The following GATM variants were observed in gnomAD, a reference collection of about 807,000 sequenced individuals.
GATM encodes the protein glycine amidinotransferase, also known as glycine amidinotransferase, mitochondrial.
Under a neutral mutation model 54.2 loss-of-function variants are expected in GATM, and 23 were observed. The ratio of observed to expected loss-of-function variants is 0.42; its 90% CI spans 0.31 to 0.60. The LOEUF is 0.60. Among genes scored for constraint, GATM ranks in the 20% least tolerant of loss-of-function variants. The pLI, the probability that GATM is intolerant of heterozygous loss-of-function variation, is 0.14. For synonymous variants in GATM, 168 were observed against 183.1 expected (o/e 0.92, Z 0.67); for missense variants, 401 against 544.9 (o/e 0.74, Z 2.63).
chr15:45,364,184 A>C, intron 7 of GATM, 168 bp from the exon 8 acceptor site: 1 of 634,768 alleles, frequency 1.6e-6, no homozygotes, highest in South Asian at 1.8e-5. Flanking sequence ...GGTATGAATC[A>C]ATCTGTACTC....
intron 2 of GATM, among the ~76,000 whole-genome samples, chr15:45,376,191 G>A (rs574791091): frequency 2.0e-5 from 3 of 152,306 alleles, no homozygotes; most frequent in Admixed American, 6.5e-5. Flanking sequence ...GCAATATCCC[G>A]TAAGGAGTTT....
intron 3 of GATM, among the ~76,000 whole-genome samples, chr15:45,384,393 G>C (rs1325882993): frequency 6.6e-6 from 1 of 152,202 alleles, no homozygotes; most frequent in African/African-American, 2.4e-5. Flanking sequence ...TAAAGAGATA[G>C]AAAGTCCAGA....
intron 3 of GATM, among the ~76,000 whole-genome samples, chr15:45,386,609 T>C (rs1252631312): frequency 6.6e-6 from 1 of 152,240 alleles, no homozygotes; most frequent in African/African-American, 2.4e-5. Context: ...CTCTCTGTTG[T>C]GCACTTTGCC....
At chr15:45,376,951 G>C in intron 1 of GATM, 132 bp from the exon 2 acceptor site, 1 of 797,488 alleles carries the variant, frequency 1.3e-6, no homozygotes, top group Non-Finnish European at 2.1e-6. Flanking sequence ...CATAAACCAA[G>C]ACGTTAACAG....
At chr15:45,393,097 T>C (rs376302327) in intron 3 of GATM, among the ~76,000 whole-genome samples, 5 of 152,366 alleles carry the variant, frequency 3.3e-5, no homozygotes, top group Middle Eastern at 6.8e-3. Context: ...TCCCAGCATA[T>C]AGCAAATGGT....
intron 3 of GATM, among the ~76,000 whole-genome samples, chr15:45,391,396 A>G (rs1214726783): frequency 6.6e-6 from 1 of 152,218 alleles, no homozygotes; most frequent in East Asian, 1.9e-4. Flanking sequence ...TGGGTGACGG[A>G]GCGAGACTGT....
At chr15:45,365,823 T>G (rs1231033879) in intron 6 of GATM, among the ~76,000 whole-genome samples, 3 of 152,218 alleles carry the variant, frequency 2.0e-5, no homozygotes, top group African/African-American at 7.2e-5. Context: ...GGCCAAAGTC[T>G]GATGATCCCA....
chr15:45,384,493 G>A lies in GATM; in HGVS notation c.-318-7674C>T, dbSNP rs147057463. ...GCAAGAGAAGGTATTTTAGCATAGGGGTAGCTGTTGCTCCCTGCACTGTAG... is the reference window on the plus strand; with the variant it reads ...GCAAGAGAAGGTATTTTAGCATAGGAGTAGCTGTTGCTCCCTGCACTGTAG... On this transcript the variant is annotated intron_variant, in intron 3 of 4. Transcript: ENST00000561148. 3.3e-3 allele frequency among the ~76,000 whole-genome samples: 506 copies of A among 152,232 alleles called. 1 individual carries two copies. Among genetic ancestry groups the A allele is most frequent in the African/African-American group, 0.012 (483 of 41,556 alleles).
chr15:45,370,103 ATGGTTGCTCAGCC>A (rs1389415846), intron 2 of GATM, among the ~76,000 whole-genome samples: 1 of 152,144 alleles, frequency 6.6e-6, no homozygotes, highest in Non-Finnish European at 1.5e-5. Context: ...TTGGCCAGGC[ATGGTTGCTCAGCC>A]TGTAACCCCA....
intron 7 of GATM, 135 bp from the exon 8 acceptor site, chr15:45,364,151 C>G: frequency 1.4e-6 from 1 of 708,700 alleles, no homozygotes; most frequent in Non-Finnish European, 2.6e-6. Context: ...TTATTTTAAT[C>G]TTAAAACAAT....
At chr15:45,375,751 G>T (rs1180244550) in intron 2 of GATM, among the ~76,000 whole-genome samples, 1 of 151,670 alleles carries the variant, frequency 6.6e-6, no homozygotes, top group Non-Finnish European at 1.5e-5. Flanking sequence ...ATACCATGAA[G>T]ACTTTATCCT....
intron 4 of GATM, 27 bp from the exon 5 acceptor site, chr15:45,366,535 C>T (rs746029716): frequency 6.2e-7 from 1 of 1,613,048 alleles, no homozygotes; most frequent in South Asian, 1.1e-5. Flanking sequence ...TGAACACACA[C>T]AATGCACTGG....
intron 8 of GATM, among the ~76,000 whole-genome samples, chr15:45,362,916 G>A (rs1031721137): frequency 2.0e-5 from 3 of 152,192 alleles, no homozygotes; most frequent in Admixed American, 6.5e-5. Flanking sequence ...ATTTTGAGAG[G>A]AGGATAGGCT....
intron 2 of GATM, among the ~76,000 whole-genome samples, chr15:45,398,566 TA>T (rs926932120): frequency 2.0e-5 from 3 of 152,200 alleles, no homozygotes; most frequent in African/African-American, 7.2e-5. Flanking sequence ...ATGTCCCATT[TA>T]GGGGGATTTT....
At chr15:45,367,989 G>T in intron 4 of GATM, 81 bp downstream of exon 4, 1 of 1,198,672 alleles carries the variant, frequency 8.3e-7, no homozygotes, top group Non-Finnish European at 1.2e-6. Flanking sequence ...ATATATACAA[G>T]GTATCAGAGA....
At chr15:45,376,935 G>T (rs1889647909) in intron 1 of GATM, 116 bp from the exon 2 acceptor site, 2 of 925,932 alleles carry the variant, frequency 2.2e-6, no homozygotes, top group East Asian at 5.2e-5. Flanking sequence ...AACCCCTTTA[G>T]AACAGCATAA....
At chr15:45,373,893 GA>G (rs1242492903) in intron 2 of GATM, among the ~76,000 whole-genome samples, 1 of 152,072 alleles carries the variant, frequency 6.6e-6, no homozygotes, top group African/African-American at 2.4e-5. Context: ...AGAGAAAGAA[GA>G]ATAAACAAAC....
chr15:45,394,698 C>T (rs1009287677), intron 3 of GATM, among the ~76,000 whole-genome samples: 2 of 152,194 alleles, frequency 1.3e-5, no homozygotes, highest in Non-Finnish European at 1.5e-5. Context: ...TTCATGGCTA[C>T]TCTCACATAT....
At chr15:45,382,801 T>C (rs977028282), upstream of GATM, among the ~76,000 whole-genome samples, 3 of 151,558 alleles carry the variant, frequency 2.0e-5, no homozygotes, top group Admixed American at 2.0e-4. Flanking sequence ...CTCAAAAATA[T>C]TAGTAATAAT....
Sources: allele counts gnomAD v4.1 joint callset (sites outside exome capture counted in the v4.1 genomes callset), GRCh38; gene constraint gnomAD v4.1.1; transcripts MANE v1.5; gene names NCBI Gene and HGNC (gene_info 2026-07-23, HGNC 2026-07-21).